The following GALK2 variants were observed in gnomAD, a reference collection of about 807,000 sequenced individuals.
GALK2 encodes N-acetylgalactosamine kinase.
GALK2 carries 36 observed loss-of-function variants against 52.4 expected under a neutral mutation model. The ratio of observed to expected loss-of-function variants is 0.69; its 90% CI spans 0.53 to 0.91. The LOEUF (loss-of-function observed/expected upper bound fraction) is 0.91, where lower values mean the gene tolerates loss of function less well. GALK2 is among the 40% of genes least tolerant of loss of function. The probability of loss-of-function intolerance (pLI) is 0.00; values close to 1 mark genes in which losing one functional copy is unlikely to be tolerated. For synonymous variants in GALK2, 176 were observed against 199.1 expected, an observed-to-expected ratio of 0.88 and a Z score of 0.98; for missense variants, 579 against 559.1, an observed-to-expected ratio of 1.04 and a Z score of -0.36.
At chr15:49,354,963 C>A (rs1016379598) in intron 3 of GALK2, among the ~76,000 whole-genome samples, 5 of 151,886 alleles carry the variant, frequency 3.3e-5, no homozygotes, top group Admixed American at 6.6e-5. Context: ...CTGGGAGGCA[C>A]CCCCCAGCAG....
chr15:49,363,440 A>G (rs139563693), intron 3 of GALK2, among the ~76,000 whole-genome samples: 2 of 152,262 alleles, frequency 1.3e-5, no homozygotes, highest in Non-Finnish European at 2.9e-5. Flanking sequence ...TTGTTGGTAT[A>G]TGGGAATGCT....
chr15:49,192,756 T>G (rs1399505642), intron 1 of GALK2, among the ~76,000 whole-genome samples: 1 of 151,648 alleles, frequency 6.6e-6, no homozygotes, highest in East Asian at 1.9e-4. Flanking sequence ...AGTGTAGTTT[T>G]AATTTGTATT....
At chr15:49,322,536 G>T (rs909046121) in intron 9 of GALK2, among the ~76,000 whole-genome samples, 2 of 152,208 alleles carry the variant, frequency 1.3e-5, no homozygotes, top group African/African-American at 4.8e-5. Context: ...AACCTCAGAG[G>T]AGGATAGCCC....
intron 3 of GALK2, among the ~76,000 whole-genome samples, chr15:49,235,097 G>C (rs905526191): frequency 6.6e-6 from 1 of 152,144 alleles, no homozygotes. Context: ...TAGTTCATAA[G>C]TGTCTGGTGG....
chr15:49,354,611 C>T (rs918304822), intron 3 of GALK2, among the ~76,000 whole-genome samples: 6 of 152,198 alleles, frequency 3.9e-5, no homozygotes, highest in Admixed American at 1.3e-4. Flanking sequence ...CACGGAGTCT[C>T]GCTGATTGCT....
rs767342487 is a variant in GALK2 at position 49,292,493 on chromosome 15, T to C, written c.923T>C (p.Leu308Pro). 3.6e-5 allele frequency: 58 copies of C among 1,613,918 alleles called. 1 individual carries two copies. In the Admixed American group the frequency reaches 8.2e-4, roughly 23 times the overall value. ...EEICRCLGIS[L>P]EELRTQILSP... ...ATCTGCAGGTGTCTGGGAATTAGCC[T>C]GGAGGAACTCCGAACCCAAATCCTG... The change falls in exon 8 of 10, where the codon CTG becomes CCG. Residue 308 changes from leucine (L) to proline (P), a missense_variant. Physicochemically the swap from Leu to Pro is moderately conservative, Grantham distance 98 (BLOSUM62 -3). Transcript: ENST00000560031.
At chr15:49,241,706 A>C (rs1254490865) in intron 5 of GALK2, among the ~76,000 whole-genome samples, 1 of 152,188 alleles carries the variant, frequency 6.6e-6, no homozygotes, top group Non-Finnish European at 1.5e-5. Context: ...GGAGGGTGTG[A>C]AGTCAAGGAA....
Position 49,228,682 on chromosome 15 carries a change from T to TAC in GALK2, c.267-7168_267-7167insCA, listed in dbSNP as rs1555409027. On this transcript the variant is annotated intron_variant, in intron 3 of 9. Transcript: ENST00000560031. ...ACTGATATATATATATATATATATATATATATTTTTTTTTTTTTTTTTTTT... is the reference window on the plus strand; with the variant it reads ...ACTGATATATATATATATATATATATACATATATTTTTTTTTTTTTTTTTTTT... Among the ~76,000 whole-genome samples the TAC allele has an allele frequency of 3.4e-4, 5 of 14,558 alleles. 1 individual carries two copies. The highest frequency in any genetic ancestry group is 5.7e-4 in the African/African-American group (2 of 3,496). The allele number at this position is 14,558 out of a possible 152,430, so 9.6% of individuals were successfully genotyped here. A position where few individuals can be genotyped will look rare whatever the true frequency, so the allele number is the denominator to read the frequency against.
intron 1 of GALK2, among the ~76,000 whole-genome samples, chr15:49,192,919 G>T (rs2086879164): frequency 6.6e-6 from 1 of 151,804 alleles, no homozygotes; most frequent in African/African-American, 2.4e-5. Flanking sequence ...CCAAGTACTG[G>T]GATTACAGGT....
intron 5 of GALK2, among the ~76,000 whole-genome samples, chr15:49,274,475 GT>G (rs1440586362): frequency 6.6e-6 from 1 of 152,212 alleles, no homozygotes; most frequent in African/African-American, 2.4e-5. Context: ...GGGTGAGTCT[GT>G]GAGTGGTGAG....
intron 6 of GALK2, among the ~76,000 whole-genome samples, chr15:49,282,492 C>T (rs2032843788): frequency 6.6e-6 from 1 of 151,922 alleles, no homozygotes; most frequent in Non-Finnish European, 1.5e-5. Flanking sequence ...GTTCTCTTAC[C>T]ACATATATTC....
intron 5 of GALK2, among the ~76,000 whole-genome samples, chr15:49,262,075 G>A (rs2092138599): frequency 6.6e-6 from 1 of 152,104 alleles, no homozygotes; most frequent in Admixed American, 6.5e-5. Context: ...GGATGATGCT[G>A]GCCTCATAAA....
intron 1 of GALK2, among the ~76,000 whole-genome samples, chr15:49,191,201 AT>A (rs2086698636): frequency 6.6e-6 from 1 of 152,162 alleles, no homozygotes. Flanking sequence ...AGGGAAAAAA[AT>A]AATACAAAAA....
At chr15:49,305,378 C>T (rs942479368) in intron 8 of GALK2, among the ~76,000 whole-genome samples, 9 of 152,058 alleles carry the variant, frequency 5.9e-5, no homozygotes, top group South Asian at 2.1e-4. Context: ...AGGGTAGAGA[C>T]GCTCCATAGT....
At chr15:49,276,080 A>G (rs1387508051) in intron 5 of GALK2, among the ~76,000 whole-genome samples, 1 of 152,214 alleles carries the variant, frequency 6.6e-6, no homozygotes, top group African/African-American at 2.4e-5. Context: ...TTGGTTACAC[A>G]CTTTGGCAAA....
Position 49,331,764 on chromosome 15 carries a change from C to G in GALK2, c.*3605C>G, listed in dbSNP as rs1217617521. On this transcript the variant is annotated 3_prime_UTR_variant, in exon 10 of 10. Transcript: ENST00000560031. ...TAGAGAGAGAATTCTCAATTATTTT[C>G]AGAAAGAAAACCTACCAGTTTATGT... 2 of 1,506,212 alleles carry G rather than the reference C, an allele frequency of 1.3e-6. No homozygotes were observed. The highest frequency in any genetic ancestry group is 1.8e-6 in the Non-Finnish European group (2 of 1,082,424). The allele number at this position is 1,506,212 out of a possible 1,614,324, so 93.3% of individuals were successfully genotyped here. A position where few individuals can be genotyped will look rare whatever the true frequency, so the allele number is the denominator to read the frequency against.
At chr15:49,302,733 T>C (rs1567040712) in intron 8 of GALK2, among the ~76,000 whole-genome samples, 1 of 152,202 alleles carries the variant, frequency 6.6e-6, no homozygotes. Context: ...AGAAAAGTTT[T>C]CCATAGAAAG....
chr15:49,209,848 T>C (rs906721886), intron 2 of GALK2, among the ~76,000 whole-genome samples: 1 of 152,234 alleles, frequency 6.6e-6, no homozygotes, highest in Non-Finnish European at 1.5e-5. Flanking sequence ...GCTGGCCTCA[T>C]AGAATAGTTT....
intron 6 of GALK2, 81 bp from the exon 7 acceptor site, chr15:49,283,485 C>CT: frequency 7.8e-7 from 1 of 1,276,362 alleles, no homozygotes; most frequent in Non-Finnish European, 1.1e-6. Context: ...TGACAAAACA[C>CT]TTTAAGATAA....
Sources: allele counts gnomAD v4.1 joint callset (sites outside exome capture counted in the v4.1 genomes callset), GRCh38; gene constraint gnomAD v4.1.1; transcripts MANE v1.5; gene names NCBI Gene and HGNC (gene_info 2026-07-23, HGNC 2026-07-21).